Variants in LRP5 observed in about 807,000 individuals in gnomAD.
LRP5 encodes LDL receptor related protein 5, also known as low-density lipoprotein receptor-related protein 5.
A neutral mutation model predicts 154.1 loss-of-function variants in LRP5; 62 were observed. That is an observed-to-expected ratio of 0.40 (90% CI 0.33 to 0.50). LRP5 has a LOEUF of 0.50. Among genes scored for constraint, LRP5 ranks in the 20% least tolerant of loss-of-function variants. LRP5 has a pLI of 0.55. For synonymous variants in LRP5, 966 were observed against 1,011.5 expected (o/e 0.96, Z 0.85); for missense variants, 1,915 against 2,336.7 (o/e 0.82, Z 3.72).
chr11:68,421,455 C>G (rs1396667016), intron 13 of LRP5, among the ~76,000 whole-genome samples: 1 of 152,112 alleles, frequency 6.6e-6, no homozygotes, highest in Non-Finnish European at 1.5e-5. Context: ...CCACGGTGAG[C>G]CTGATTTTGG....
At chr11:68,320,016 C>T (rs1591169870) in intron 1 of LRP5, among the ~76,000 whole-genome samples, 1 of 152,070 alleles carries the variant, frequency 6.6e-6, no homozygotes, top group East Asian at 1.9e-4. Flanking sequence ...AAAAAATTAG[C>T]TGAGTATGAT....
rs138777930 is a variant in LRP5, at chr11:68,410,088, G to A, written c.2266G>A (p.Val756Met). 19 of 1,614,018 alleles carry A rather than the reference G, an allele frequency of 1.2e-5. No homozygotes were observed. The highest frequency in any genetic ancestry group is 4.0e-5 in the African/African-American group (3 of 75,048). ...RLDGQFRQVL[V>M]WRDLDNPRSL... is the part of the protein sequence containing the mutation. ...GGACGGGCAGTTCCGGCAAGTCCTC[G>A]TGTGGAGGGACTTGGACAACCCGAG... The change falls in exon 10 of 23, where the codon GTG becomes ATG. Residue 756 changes from valine to methionine, a missense_variant. Physicochemically the swap from Val to Met is conservative, Grantham distance 21. Around this residue, in one of 3 missense-constraint regions of LRP5, gnomAD observed 773 missense variants for 1,100.9 expected, o/e 0.70. Coordinates refer to ENST00000294304, the MANE Select transcript of LRP5 (RefSeq NM_002335.4).
chr11:68,312,730 C>A lies in LRP5; in HGVS notation c.16C>A (p.Pro6Thr), dbSNP rs771718186. MEAAP[P>T]GPPWPLLLLL... is the part of the protein sequence containing the mutation. ...GCCGGACAACATGGAGGCAGCGCCG[C>A]CCGGGCCGCCGTGGCCGCTGCTGCT... is the stretch of plus-strand genomic sequence containing the variant. Residue 6 changes from proline to threonine, a missense_variant, in exon 1 of 23, where the codon CCC becomes ACC. Coordinates refer to ENST00000294304, the MANE Select transcript of LRP5 (RefSeq NM_002335.4). The A allele has an allele frequency of 6.6e-4, 697 of 1,052,528 alleles. 14 individuals are homozygous for A. In the Admixed American group the frequency reaches 0.029, roughly 44 times the overall value. The allele number at this position is 1,052,528 out of a possible 1,614,324, so 65.2% of individuals were successfully genotyped here.
chr11:68,304,183 C>T, the LRP5 span, among the ~76,000 whole-genome samples: 147 of 152,224 alleles, frequency 9.7e-4, no homozygotes, highest in Middle Eastern at 3.2e-3. Context: ...GGCACAGGGC[C>T]CTGCTGCTCT....
chr11:68,336,155 G>A (rs1022773833), intron 1 of LRP5, among the ~76,000 whole-genome samples: 1 of 152,186 alleles, frequency 6.6e-6, no homozygotes, highest in African/African-American at 2.4e-5. Flanking sequence ...TGTCCACGAA[G>A]AAGCTGGTTC....
In LRP5 at chr11:68,413,293, G is replaced by A. The variant is rs1181887391; in HGVS notation, c.2504-396G>A. On this transcript the variant is annotated intron_variant, in intron 11 of 22. Transcript: ENST00000294304. This position sits in a 1 kb window ranked among gnomAD's most constrained non-coding sequence, Gnocchi z 5.1. ...CGGCCATGTGCATTGCAGCCTGGCC[G>A]TCACTCCTCGGTACGTGTTTTGGAC... 2.5e-5 allele frequency: 9 copies of A among 360,344 alleles called. No homozygotes were observed. Among genetic ancestry groups the A allele is most frequent in the Non-Finnish European group, 4.2e-5 (8 of 191,068 alleles). The allele number at this position is 360,344 out of a possible 1,614,324, so 22.3% of individuals were successfully genotyped here. A position where few individuals can be genotyped will look rare whatever the true frequency, so the allele number is the denominator to read the frequency against.
chr11:68,373,681 C>G (rs909561048), intron 5 of LRP5, among the ~76,000 whole-genome samples: 12 of 152,248 alleles, frequency 7.9e-5, no homozygotes, highest in Admixed American at 3.3e-4. Context: ...CCACACAGCC[C>G]CAGGACCAAG....
At chr11:68,317,736 A>AG (rs1309693772) in intron 1 of LRP5, among the ~76,000 whole-genome samples, 1 of 152,122 alleles carries the variant, frequency 6.6e-6, no homozygotes, top group Admixed American at 6.5e-5. Context: ...GTCACCTTGT[A>AG]GGGGGCAGTT....
chr11:68,416,768 G>C (rs772622851), intron 13 of LRP5, among the ~76,000 whole-genome samples: 13 of 152,226 alleles, frequency 8.5e-5, no homozygotes, highest in Non-Finnish European at 1.5e-4. Flanking sequence ...GGTGGGGTCA[G>C]ACCCCACAGG....
chr11:68,310,666 G>A (rs1178778572), upstream of LRP5, among the ~76,000 whole-genome samples: 1 of 148,944 alleles, frequency 6.7e-6, no homozygotes, highest in Non-Finnish European at 1.5e-5. Flanking sequence ...GAGGTGGGAG[G>A]ATTGCTTGAG....
At chr11:68,403,807 G>A in intron 8 of LRP5, 108 bp downstream of exon 8, 1 of 1,337,730 alleles carries the variant, frequency 7.5e-7, no homozygotes, top group Non-Finnish European at 1.0e-6. Context: ...GCCCCGACCT[G>A]GGGAAGGGCA....
At chr11:68,446,346 C>A in intron 21 of LRP5, 90 bp from the exon 22 acceptor site, 1 of 937,352 alleles carries the variant, frequency 1.1e-6, no homozygotes, top group Non-Finnish European at 1.8e-6. Flanking sequence ...CAGAAGCCCT[C>A]TCTGCAAGGA....
At chr11:68,370,097 G>A (rs2098633205) in intron 5 of LRP5, among the ~76,000 whole-genome samples, 1 of 152,140 alleles carries the variant, frequency 6.6e-6, no homozygotes, top group African/African-American at 2.4e-5. Context: ...GGAGTGGGCT[G>A]TCAGTGGGAG....
chr11:68,301,906 G>A, the LRP5 span, among the ~76,000 whole-genome samples: 13 of 152,136 alleles, frequency 8.5e-5, no homozygotes, highest in East Asian at 1.9e-3. Flanking sequence ...GGGATTACAG[G>A]CGTGAGCCAC....
At chr11:68,359,053 C>T (rs549723621) in intron 3 of LRP5, among the ~76,000 whole-genome samples, 1 of 152,342 alleles carries the variant, frequency 6.6e-6, no homozygotes, top group African/African-American at 2.4e-5. Flanking sequence ...ACTTGCCAGG[C>T]CTCGTGTGTT....
At chr11:68,358,397 G>T (rs2098624969) in intron 3 of LRP5, among the ~76,000 whole-genome samples, 1 of 152,306 alleles carries the variant, frequency 6.6e-6, no homozygotes, top group South Asian at 2.1e-4. Flanking sequence ...ACAGGCGTGA[G>T]CCACCGCACC....
rs1398469003 is a variant in LRP5 at position 68,447,439 on chromosome 11, G to A, written c.4586+906G>A. 2.0e-5 allele frequency among the ~76,000 whole-genome samples: 3 copies of A among 152,082 alleles called. No homozygotes were observed. Among genetic ancestry groups the A allele is most frequent in the Non-Finnish European group, 2.9e-5 (2 of 68,002 alleles). ...AACTCCCAGGCCTGGCTGGGGAGCC[G>A]GAACTGCAGCCTCCATTTCCACCCC... On this transcript the variant is annotated intron_variant, in intron 22 of 22. Coordinates refer to ENST00000294304, the MANE Select transcript of LRP5 (RefSeq NM_002335.4). This position sits in a 1 kb window ranked among gnomAD's most constrained non-coding sequence, Gnocchi z 4.3.
At chr11:68,424,510 C>T (rs1024993867) in intron 14 of LRP5, among the ~76,000 whole-genome samples, 3 of 152,186 alleles carry the variant, frequency 2.0e-5, no homozygotes, top group Admixed American at 2.0e-4. Context: ...AGGAGCCAGC[C>T]GAGCTGGTCT....
intron 5 of LRP5, among the ~76,000 whole-genome samples, chr11:68,375,071 G>C (rs767528188): frequency 1.3e-5 from 2 of 152,238 alleles, no homozygotes; most frequent in Admixed American, 6.5e-5. Context: ...CTTCAGTGGC[G>C]AGCTTTGCGC....
Sources: allele counts gnomAD v4.1 joint callset (sites outside exome capture counted in the v4.1 genomes callset), GRCh38; gene constraint gnomAD v4.1.1; regional missense constraint gnomAD v4.1.1; non-coding constraint Gnocchi (gnomAD v3.1); transcripts MANE v1.5; gene names NCBI Gene and HGNC (gene_info 2026-07-23, HGNC 2026-07-21).